AK9: variants seen among roughly 807,000 people sequenced by gnomAD.
AK9 encodes adenylate kinase 9.
AK9 carries 191 observed loss-of-function variants against 239.6 expected under a neutral mutation model. The ratio of observed to expected loss-of-function variants is 0.80; its 90% CI spans 0.71 to 0.90. The LOEUF (loss-of-function observed/expected upper bound fraction) is 0.90. Among genes scored for constraint, AK9 ranks in the 40% least tolerant of loss-of-function variants. The pLI is 0.00. For missense variants in AK9, 1,995 were observed against 2,214.7 expected, an observed-to-expected ratio of 0.90 and a Z score of 1.99; for synonymous variants, 689 against 721.0, an observed-to-expected ratio of 0.96 and a Z score of 0.71.
chr6:109,686,145 C>A (rs918631027), intron 1 of AK9, among the ~76,000 whole-genome samples: 2 of 152,192 alleles, frequency 1.3e-5, no homozygotes, highest in Non-Finnish European at 2.9e-5. Flanking sequence ...GACTCTCCTG[C>A]TGTTTGAGAC....
In AK9 at chr6:109,528,780, G is replaced by GGTTACAAGAGGGTCAGCCTTGAAAAGCT. The variant is rs761425929; in HGVS notation, c.3633+203_3633+230dup. On this transcript the variant is annotated intron_variant, in intron 29 of 40. Coordinates refer to ENST00000424296, the MANE Select transcript of AK9 (RefSeq NM_001145128.3). The stretch of plus-strand genomic sequence containing the variant: ...GACATTTTTATACAGATGGAAATCA[G>GGTTACAAGAGGGTCAGCCTTGAAAAGCT]GTTACAAGAGGGTCAGCCTTGAAAA... 5,938 of 640,098 alleles carry GGTTACAAGAGGGTCAGCCTTGAAAAGCT rather than the reference G, an allele frequency of 9.3e-3. 49 individuals carry two copies. Among genetic ancestry groups the GGTTACAAGAGGGTCAGCCTTGAAAAGCT allele is most frequent in the Non-Finnish European group, 0.013 (4,606 of 359,178 alleles). The allele number at this position is 640,098 out of a possible 1,614,324, so 39.7% of individuals were successfully genotyped here.
chr6:109,527,995 G>A (rs1780730667), intron 29 of AK9: 1 of 152,528 alleles, frequency 6.6e-6, no homozygotes, highest in South Asian at 2.1e-4. Flanking sequence ...GGTTTACAGA[G>A]GCTAAGTGAC....
intron 17 of AK9, among the ~76,000 whole-genome samples, chr6:109,587,440 G>A (rs969694422): frequency 6.6e-6 from 1 of 152,092 alleles, no homozygotes; most frequent in African/African-American, 2.4e-5. Flanking sequence ...GGTGAAGTCA[G>A]GGCTTTCAGT....
chr6:109,601,555 G>A (rs958321915), intron 17 of AK9, among the ~76,000 whole-genome samples: 2 of 152,184 alleles, frequency 1.3e-5, no homozygotes, highest in African/African-American at 4.8e-5. Flanking sequence ...TGTATATTCT[G>A]TTGATTTGGG....
intron 29 of AK9, among the ~76,000 whole-genome samples, chr6:109,518,724 T>C (rs1465793436): frequency 6.6e-6 from 1 of 152,076 alleles, no homozygotes; most frequent in African/African-American, 2.4e-5. Context: ...GATTATTTTA[T>C]TTTCTACAAC....
chr6:109,581,328 T>C (rs1276064107), intron 19 of AK9, among the ~76,000 whole-genome samples: 3 of 152,194 alleles, frequency 2.0e-5, no homozygotes, highest in Admixed American at 6.6e-5. Context: ...AAGGCTGAGA[T>C]AGTCCAAAAG....
intron 17 of AK9, among the ~76,000 whole-genome samples, chr6:109,596,111 G>T (rs994485943): frequency 6.6e-6 from 1 of 152,182 alleles, no homozygotes; most frequent in Non-Finnish European, 1.5e-5. Context: ...GCAGATAAGA[G>T]CTAGCTGCAG....
intron 28 of AK9, among the ~76,000 whole-genome samples, chr6:109,530,122 G>T (rs1163796782): frequency 6.6e-6 from 1 of 152,134 alleles, no homozygotes; most frequent in Admixed American, 6.5e-5. Flanking sequence ...GGTCTCCAAG[G>T]TCTCCATGAA....
At chr6:109,619,358 G>T in intron 12 of AK9, 122 bp from the exon 13 acceptor site, 2 of 1,070,794 alleles carry the variant, frequency 1.9e-6, no homozygotes, top group South Asian at 2.4e-5. Flanking sequence ...TATTAATACT[G>T]CTTGAGGTAT....
chr6:109,517,908 T>C (rs1048938603), intron 29 of AK9, among the ~76,000 whole-genome samples: 1 of 152,058 alleles, frequency 6.6e-6, no homozygotes, highest in Non-Finnish European at 1.5e-5. Flanking sequence ...CTTGTTTCAG[T>C]TGGAGAACTG....
At chr6:109,517,519 C>T (rs1779397043) in intron 29 of AK9, among the ~76,000 whole-genome samples, 2 of 152,090 alleles carry the variant, frequency 1.3e-5, no homozygotes, top group South Asian at 2.1e-4. Context: ...AAGATGTTTC[C>T]TTACCTGTAA....
chr6:109,518,028 C>T (rs1779443354), intron 29 of AK9, among the ~76,000 whole-genome samples: 1 of 152,062 alleles, frequency 6.6e-6, no homozygotes, highest in Non-Finnish European at 1.5e-5. Flanking sequence ...CTCAACACTC[C>T]CTCCCTTGTG....
intron 35 of AK9, among the ~76,000 whole-genome samples, chr6:109,501,939 C>A (rs1414569862): frequency 6.6e-6 from 1 of 152,182 alleles, no homozygotes. Context: ...TGAACCTTAC[C>A]ATACCTTACC....
intron 24 of AK9, among the ~76,000 whole-genome samples, chr6:109,555,624 A>G (rs1784914582): frequency 6.6e-6 from 1 of 152,140 alleles, no homozygotes; most frequent in Non-Finnish European, 1.5e-5. Context: ...GTCTCCCACT[A>G]TTATTGTGTG....
chr6:109,671,790 T>C, intron 5 of AK9, 129 bp downstream of exon 5: 3 of 704,436 alleles, frequency 4.3e-6, no homozygotes, highest in South Asian at 3.8e-5. Flanking sequence ...GCTGTTCAAC[T>C]GAATAGAGAT....
At chr6:109,662,443 T>C in intron 6 of AK9, 108 bp downstream of exon 6, 1 of 907,800 alleles carries the variant, frequency 1.1e-6, no homozygotes, top group Non-Finnish European at 1.5e-6. Context: ...GATTGATGCA[T>C]AAGTTATTAT....
At chr6:109,633,753 T>C (rs905841669) in intron 10 of AK9, among the ~76,000 whole-genome samples, 2 of 152,184 alleles carry the variant, frequency 1.3e-5, no homozygotes, top group Admixed American at 6.5e-5. Context: ...ATACCTAAGA[T>C]GTTATGTACA....
intron 39 of AK9, among the ~76,000 whole-genome samples, 155 bp downstream of exon 39, chr6:109,495,183 C>G (rs1776909362): frequency 7.0e-6 from 1 of 143,536 alleles, no homozygotes; most frequent in Non-Finnish European, 1.5e-5. Flanking sequence ...TTATTTTAAC[C>G]ACTACATATA....
At chr6:109,603,820 A>C (rs560913059) in intron 17 of AK9, among the ~76,000 whole-genome samples, 10 of 152,228 alleles carry the variant, frequency 6.6e-5, no homozygotes, top group South Asian at 4.2e-4. Flanking sequence ...TCGATCTCAG[A>C]CTGCTGTGCT....
Sources: gnomAD v4.1 joint callset for allele counts (sites outside exome capture counted in the v4.1 genomes callset) on GRCh38, gnomAD v4.1.1 for gene constraint, MANE v1.5 for transcripts, NCBI Gene and HGNC (gene_info 2026-07-23, HGNC 2026-07-21) for gene names.